The following BPIFB3 variants were observed in gnomAD, a reference collection of about 807,000 sequenced individuals.
BPIFB3 encodes the protein BPI fold containing family B member 3, also known as BPI fold-containing family B member 3.
A neutral mutation model predicts 53.1 loss-of-function variants in BPIFB3; 49 were observed. That is an observed-to-expected ratio of 0.92 (90% CI 0.73 to 1.17). The LOEUF (loss-of-function observed/expected upper bound fraction) is 1.17. Among genes scored for constraint, BPIFB3 ranks in the 50% most tolerant of loss-of-function variants. The pLI, the probability that BPIFB3 is intolerant of heterozygous loss-of-function variation, is 0.00. For synonymous variants in BPIFB3, 271 were observed against 269.6 expected (o/e 1.01, Z -0.05); for missense variants, 628 against 592.5 (o/e 1.06, Z -0.62).
chr20:33,060,265 T>C (rs1332015337), intron 4 of BPIFB3, among the ~76,000 whole-genome samples: 2 of 152,304 alleles, frequency 1.3e-5, no homozygotes, highest in East Asian at 3.9e-4. Flanking sequence ...GCAATTCCTC[T>C]AGTCTGGTTC....
At chr20:33,066,835 T>C (rs766690906) in exon 9 of BPIFB3, 4 of 1,614,220 alleles carry the variant, frequency 2.5e-6, no homozygotes, top group Non-Finnish European at 3.4e-6. Flanking sequence ...TTCCCAGCGA[T>C]GTCCCACTGA....
chr20:33,068,819 C>T (rs1053259794), exon 10 of BPIFB3: 1 of 1,613,708 alleles, frequency 6.2e-7, no homozygotes, highest in South Asian at 1.1e-5. Context: ...GGGAAGCTGC[C>T]CCTGCACCAG....
intron 11 of BPIFB3, among the ~76,000 whole-genome samples, chr20:33,070,255 G>A (rs1980831051): frequency 6.6e-6 from 1 of 152,172 alleles, no homozygotes; most frequent in African/African-American, 2.4e-5. Flanking sequence ...AAACTCCTGA[G>A]TTATCAGCCC....
chr20:33,063,659 C>T (rs752000596), exon 6 of BPIFB3: 2 of 1,613,882 alleles, frequency 1.2e-6, no homozygotes, highest in African/African-American at 2.7e-5. Flanking sequence ...TGAATGAGCT[C>T]CTGGGGGCTG....
At chr20:33,064,462 G>A in exon 7 of BPIFB3, 1 of 1,613,948 alleles carries the variant, frequency 6.2e-7, no homozygotes, top group East Asian at 2.2e-5. Context: ...CGCAGGCCTG[G>A]TGTCCCTTGG....
At chr20:33,070,453 G>A (rs1980839047) in intron 11 of BPIFB3, among the ~76,000 whole-genome samples, 1 of 152,226 alleles carries the variant, frequency 6.6e-6, no homozygotes, top group Non-Finnish European at 1.5e-5. Flanking sequence ...GTACTTTACA[G>A]TTTGCAAAGC....
At chr20:33,054,316 C>T (rs1980106741), upstream of BPIFB3, among the ~76,000 whole-genome samples, 1 of 152,076 alleles carries the variant, frequency 6.6e-6, no homozygotes, top group Non-Finnish European at 1.5e-5. Context: ...CACAACCACG[C>T]ACAGAGGCCT....
upstream of BPIFB3, among the ~76,000 whole-genome samples, chr20:33,055,257 G>A (rs569093888): frequency 2.0e-4 from 30 of 152,318 alleles, no homozygotes; most frequent in African/African-American, 6.3e-4. Flanking sequence ...TGCCACCTGC[G>A]TGTTAGCTCT....
exon 11 of BPIFB3, chr20:33,069,898 T>C (rs1270512039): frequency 3.7e-6 from 6 of 1,614,074 alleles, no homozygotes; most frequent in Admixed American, 1.7e-5. Flanking sequence ...GTCATGACTG[T>C]GCGTGCCCAG....
At chr20:33,069,841 C>G in intron 10 of BPIFB3, 47 bp from the exon 12 acceptor site, 1 of 1,600,186 alleles carries the variant, frequency 6.2e-7, no homozygotes, top group Non-Finnish European at 8.6e-7. Flanking sequence ...CGTCCTCAAG[C>G]TCCTTCTGCC....
Position 33,056,500 on chromosome 20 carries a change from G to A in BPIFB3, c.125-42G>A, listed in dbSNP as rs770041442. On this transcript the variant is annotated intron_variant, in intron 1 of 14. Coordinates refer to ENST00000375494, the Ensembl canonical transcript of BPIFB3. ...CAGCTGCCATGGTCCTGGGGGTGAGGTTGGAGTTTCTAGTACCTTCCTACT... is the reference window on the plus strand; with the variant it reads ...CAGCTGCCATGGTCCTGGGGGTGAGATTGGAGTTTCTAGTACCTTCCTACT... 9.9e-6 allele frequency: 16 copies of A among 1,610,766 alleles called. No homozygotes were observed. In the Admixed American group the frequency reaches 1.0e-4, roughly 10 times the overall value.
intron 11 of BPIFB3, 60 bp downstream of exon 12, chr20:33,070,015 C>A: frequency 1.3e-6 from 2 of 1,569,704 alleles, no homozygotes. Context: ...GAATTAGGGG[C>A]TGACAGGATC....
At chr20:33,059,083 C>T (rs1394743572) in intron 2 of BPIFB3, among the ~76,000 whole-genome samples, 2 of 152,102 alleles carry the variant, frequency 1.3e-5, no homozygotes, top group Non-Finnish European at 2.9e-5. Context: ...AACTTTAATT[C>T]CTTGAGCCTC....
Position 33,064,561 on chromosome 20 carries a change from A to C in BPIFB3, c.744+13A>C. On this transcript the variant is annotated intron_variant, in intron 7 of 14. Transcript: ENST00000375494. ...ACTGGACATCAACGTGAGTAACCAG[A>C]GGGGCCTCTCCTCCTGCTGGGGGTG... 2.5e-6 allele frequency: 4 copies of C among 1,613,306 alleles called. No individual in the cohort carries two copies. Among genetic ancestry groups the C allele is most frequent in the Non-Finnish European group, 3.4e-6 (4 of 1,179,356 alleles).
chr20:33,073,778 C>A, downstream of BPIFB3: 2 of 692,470 alleles, frequency 2.9e-6, no homozygotes, highest in Non-Finnish European at 2.4e-6. Flanking sequence ...CATAGAACTG[C>A]CTCAGAGAGA....
At chr20:33,071,417 C>T in intron 12 of BPIFB3, 122 bp downstream of exon 13, 1 of 1,150,814 alleles carries the variant, frequency 8.7e-7, no homozygotes, top group South Asian at 1.6e-5. Context: ...GGGATCCTCC[C>T]CAATTAAGCC....
chr20:33,063,678 A>G lies in BPIFB3; in HGVS notation c.652+3A>G, dbSNP rs756082075. 6.2e-7 allele frequency: 1 copy of G among 1,613,274 alleles called. No individual in the cohort carries two copies. Among genetic ancestry groups the G allele is most frequent in the Non-Finnish European group, 8.5e-7 (1 of 1,179,630 alleles). ...TGAGCTCCTGGGGGCTGTGCTGGGT[A>G]AGTCAGGGCTCAATGCCCTCCTCTT... is the stretch of plus-strand genomic sequence containing the variant. On this transcript the variant is annotated splice_donor_region_variant and intron_variant, in intron 6 of 14. Transcript: ENST00000375494.
intron 4 of BPIFB3, 80 bp from the exon 6 acceptor site, chr20:33,061,688 C>G: frequency 1.4e-6 from 2 of 1,400,024 alleles, no homozygotes; most frequent in East Asian, 2.4e-5. Context: ...ATCCAGAGCC[C>G]CTAGTGTCCG....
intron 6 of BPIFB3, 21 bp downstream of exon 7, chr20:33,063,696 C>T (rs2146385933): frequency 3.7e-6 from 6 of 1,611,896 alleles, no homozygotes; most frequent in Non-Finnish European, 5.1e-6. Flanking sequence ...GCTCAATGCC[C>T]TCCTCTTTGC....
Sources: allele counts gnomAD v4.1 joint callset (sites outside exome capture counted in the v4.1 genomes callset), GRCh38; gene constraint gnomAD v4.1.1; transcripts MANE v1.5; gene names NCBI Gene and HGNC (gene_info 2026-07-23, HGNC 2026-07-21).